Variants in PTPRJ observed in about 807,000 individuals in gnomAD.
The protein encoded by PTPRJ is receptor-type tyrosine-protein phosphatase eta.
PTPRJ carries 129 observed loss-of-function variants against 141.3 expected under a neutral mutation model. That is an observed-to-expected ratio of 0.91 (90% CI 0.79 to 1.06). The LOEUF (loss-of-function observed/expected upper bound fraction) is 1.06, where lower values mean the gene tolerates loss of function less well. Ranked by LOEUF, PTPRJ falls within the 50% of genes least tolerant of loss-of-function variation. The pLI, the probability that PTPRJ is intolerant of heterozygous loss-of-function variation, is 0.00. For missense variants in PTPRJ, 1,601 were observed against 1,679.7 expected, an observed-to-expected ratio of 0.95 and a Z score of 0.82; for synonymous variants, 610 against 640.5, an observed-to-expected ratio of 0.95 and a Z score of 0.72.
chr11:48,160,076 G>T, intron 22 of PTPRJ, 27 bp downstream of exon 22: 2 of 1,610,760 alleles, frequency 1.2e-6, no homozygotes, highest in Non-Finnish European at 1.7e-6. Flanking sequence ...GATCAGTTGA[G>T]CTCATGTAAT....
chr11:48,130,801 G>T, intron 8 of PTPRJ, 85 bp downstream of exon 8: 1 of 1,331,570 alleles, frequency 7.5e-7, no homozygotes, highest in South Asian at 1.9e-5. Flanking sequence ...TCCAAATATT[G>T]TTTTTCTTTT....
intron 1 of PTPRJ, among the ~76,000 whole-genome samples, chr11:48,082,058 C>A (rs1214685219): frequency 6.6e-6 from 1 of 152,116 alleles, no homozygotes; most frequent in Non-Finnish European, 1.5e-5. Context: ...AGAGTAGTCT[C>A]CATAAATGTT....
intron 1 of PTPRJ, among the ~76,000 whole-genome samples, chr11:48,018,610 A>G (rs1855015558): frequency 6.6e-6 from 1 of 152,240 alleles, no homozygotes. Flanking sequence ...TGGAGACTAG[A>G]AACAGTCACA....
intron 1 of PTPRJ, among the ~76,000 whole-genome samples, chr11:48,017,445 A>G (rs147655815): frequency 6.6e-6 from 1 of 152,340 alleles, no homozygotes; most frequent in East Asian, 1.9e-4. Flanking sequence ...AAAGAAAATA[A>G]GAGATGCCTA....
intron 1 of PTPRJ, among the ~76,000 whole-genome samples, chr11:48,069,885 T>A (rs1416361253): frequency 6.6e-6 from 1 of 152,234 alleles, no homozygotes; most frequent in Non-Finnish European, 1.5e-5. Context: ...AGGAAACAGC[T>A]AATGTCGTGG....
At chr11:48,007,364 C>T (rs781570934) in intron 1 of PTPRJ, among the ~76,000 whole-genome samples, 1 of 152,082 alleles carries the variant, frequency 6.6e-6, no homozygotes, top group South Asian at 2.1e-4. Flanking sequence ...CCACCTCGGC[C>T]TCCCAAAGTG....
intron 11 of PTPRJ, among the ~76,000 whole-genome samples, chr11:48,140,285 C>G (rs1857200273): frequency 6.6e-6 from 1 of 152,200 alleles, no homozygotes; most frequent in Admixed American, 6.5e-5. Context: ...CCGCCTTGGC[C>G]TCCTAAAGTG....
Position 48,018,013 on chromosome 11 carries a change from T to G in PTPRJ, c.96+37005T>G, listed in dbSNP as rs546585705. Among the ~76,000 whole-genome samples the G allele has an allele frequency of 2.0e-5, 3 of 152,350 alleles. No individual in the cohort carries two copies. The East Asian group carries it at 5.8e-4, about 29-fold the overall frequency. ...GGCTGGGTTGGGAGATGAATGTGTA[T>G]GCATGTGTGAATGGATTCATTTCTG... On this transcript the variant is annotated intron_variant, in intron 1 of 24. Coordinates refer to ENST00000418331, the MANE Select transcript of PTPRJ (RefSeq NM_002843.4).
intron 1 of PTPRJ, among the ~76,000 whole-genome samples, chr11:48,083,664 G>A (rs1855624870): frequency 6.6e-6 from 1 of 152,162 alleles, no homozygotes; most frequent in Non-Finnish European, 1.5e-5. Flanking sequence ...AATGTGAGCT[G>A]CATGAGGTCA....
At chr11:48,126,463 G>A (rs1237537318) in intron 6 of PTPRJ, among the ~76,000 whole-genome samples, 1 of 152,044 alleles carries the variant, frequency 6.6e-6, no homozygotes, top group Non-Finnish European at 1.5e-5. Context: ...ACTAGATGGC[G>A]TAAACAATGA....
intron 1 of PTPRJ, among the ~76,000 whole-genome samples, chr11:48,002,762 T>C (rs1247465066): frequency 1.3e-5 from 2 of 152,196 alleles, no homozygotes; most frequent in Non-Finnish European, 2.9e-5. Flanking sequence ...TTGCCCTGTT[T>C]TGATAAACAG....
At chr11:48,118,708 T>G (rs1856628263) in intron 3 of PTPRJ, among the ~76,000 whole-genome samples, 1 of 152,188 alleles carries the variant, frequency 6.6e-6, no homozygotes, top group Admixed American at 6.5e-5. Flanking sequence ...AACCATACAA[T>G]CATTTCAGTA....
At chr11:48,031,580 C>A (rs1046972677) in intron 1 of PTPRJ, among the ~76,000 whole-genome samples, 2 of 152,164 alleles carry the variant, frequency 1.3e-5, no homozygotes, top group Admixed American at 6.5e-5. Flanking sequence ...CGGGATGAAG[C>A]ACTTGGATGC....
At chr11:48,019,263 CGAG>C (rs969917502) in intron 1 of PTPRJ, among the ~76,000 whole-genome samples, 37 of 152,100 alleles carry the variant, frequency 2.4e-4, no homozygotes, top group African/African-American at 8.5e-4. Context: ...TTTTCAGTGA[CGAG>C]GAAGCATCCC....
rs1014972401 is a variant in PTPRJ at position 48,150,260 on chromosome 11, G to A, written c.3138+77G>A. On this transcript the variant is annotated intron_variant, in intron 18 of 24. Coordinates refer to ENST00000418331, the MANE Select transcript of PTPRJ (RefSeq NM_002843.4). ...GGGATCTGAGGGGAGTTGGTGGATGGGTGGCAGGTAGCTGAAAGAACACTC... is the reference window on the plus strand; with the variant it reads ...GGGATCTGAGGGGAGTTGGTGGATGAGTGGCAGGTAGCTGAAAGAACACTC... 9 of 1,251,308 alleles carry A rather than the reference G, an allele frequency of 7.2e-6. No individual in the cohort carries two copies. In the African/African-American group the frequency reaches 1.3e-4, roughly 19 times the overall value. 77.5% of individuals were successfully genotyped at this position (1,251,308 alleles called of 1,614,324 possible).
rs777154192 is a variant in PTPRJ, at chr11:48,136,984, C to T, written c.1874-19C>T. The stretch of plus-strand genomic sequence containing the variant: ...TTAATCTGTGCTTTTACATGAATTG[C>T]CTTTTTTTTAAAATCAAGGGCCCAG... On this transcript the variant is annotated intron_variant, in intron 9 of 24. Coordinates refer to ENST00000418331, the MANE Select transcript of PTPRJ (RefSeq NM_002843.4). The T allele has an allele frequency of 2.6e-6, 4 of 1,562,298 alleles. No homozygotes were observed. The highest frequency in any genetic ancestry group is 4.5e-5 in the East Asian group (2 of 44,488).
Position 48,139,608 on chromosome 11 carries a change from T to A in PTPRJ, c.2275T>A (p.Trp759Arg), listed in dbSNP as rs760559501. 6.2e-7 allele frequency: 1 copy of A among 1,614,126 alleles called. No homozygotes were observed. ...TGAGCTGGAGGTCAGCAGTGGAGCC[T>A]GGAACAATGCGACCCACCTGGAGAG... is the stretch of plus-strand genomic sequence containing the variant. ...GFELEVSSGAWNNATHLESCS... is the reference protein window; with the variant it reads ...GFELEVSSGARNNATHLESCS... Residue 759 changes from tryptophan (W) to arginine (R), a missense_variant, in exon 11 of 25, where the codon TGG (tryptophan) becomes AGG (arginine). Trp to Arg is a moderately radical substitution (Grantham distance 101, BLOSUM62 -3). Coordinates refer to ENST00000418331, the MANE Select transcript of PTPRJ (RefSeq NM_002843.4).
intron 1 of PTPRJ, among the ~76,000 whole-genome samples, chr11:47,993,965 G>C (rs973826927): frequency 1.3e-5 from 2 of 151,230 alleles, no homozygotes; most frequent in Admixed American, 1.3e-4. Flanking sequence ...GGTTCAAGCA[G>C]TTCTCCTGCC....
At chr11:48,068,738 TC>T (rs1855151245) in intron 1 of PTPRJ, among the ~76,000 whole-genome samples, 1 of 152,174 alleles carries the variant, frequency 6.6e-6, no homozygotes, top group Non-Finnish European at 1.5e-5. Context: ...GCCAGGATGG[TC>T]CATGCACGGA....
Sources: allele counts gnomAD v4.1 joint callset (sites outside exome capture counted in the v4.1 genomes callset), GRCh38; gene constraint gnomAD v4.1.1; transcripts MANE v1.5; gene names NCBI Gene and HGNC (gene_info 2026-07-23, HGNC 2026-07-21).